Variants in PIGK observed in about 807,000 individuals in gnomAD.
PIGK encodes the protein phosphatidylinositol glycan anchor biosynthesis class K.
A neutral mutation model predicts 50.6 loss-of-function variants in PIGK; 42 were observed. That is an observed-to-expected ratio of 0.83 (90% CI 0.65 to 1.07). The LOEUF is 1.07. PIGK is among the 50% of genes least tolerant of loss of function. The pLI is 0.00. For missense variants in PIGK, 448 were observed against 488.7 expected, an observed-to-expected ratio of 0.92 and a Z score of 0.78; for synonymous variants, 151 against 156.0, an observed-to-expected ratio of 0.97 and a Z score of 0.24.
rs1653252332 is a variant in PIGK, at chr1:77,089,528, C to T, written c.*2846G>A. 5 of 152,692 alleles carry T rather than the reference C, an allele frequency of 3.3e-5. No homozygotes were observed. The highest frequency in any genetic ancestry group is 6.8e-3 in the Middle Eastern group (2 of 294). The allele number at this position is 152,692 out of a possible 1,614,324, so 9.5% of individuals were successfully genotyped here. A position where few individuals can be genotyped will look rare whatever the true frequency, so the allele number is the denominator to read the frequency against. ...TCAAAATTTCAAATTATGATTCCCACAGTAACTGTAACTCTGGTATACAAC... is the reference window on the plus strand; with the variant it reads ...TCAAAATTTCAAATTATGATTCCCATAGTAACTGTAACTCTGGTATACAAC... On this transcript the variant is annotated 3_prime_UTR_variant, in exon 11 of 11. Transcript: ENST00000370812.
At chr1:77,102,114 G>A (rs1432905273) in intron 10 of PIGK, among the ~76,000 whole-genome samples, 1 of 152,204 alleles carries the variant, frequency 6.6e-6, no homozygotes, top group African/African-American at 2.4e-5. Context: ...ACATTCAAAG[G>A]TGGCAGCAAG....
chr1:77,184,741 A>C (rs924060044), intron 3 of PIGK, among the ~76,000 whole-genome samples: 1 of 152,206 alleles, frequency 6.6e-6, no homozygotes, highest in African/African-American at 2.4e-5. Context: ...ATTGGCACAG[A>C]CATTCTTAAC....
At chr1:77,141,710 A>G (rs1436854130) in intron 9 of PIGK, among the ~76,000 whole-genome samples, 10 of 152,128 alleles carry the variant, frequency 6.6e-5, no homozygotes, top group Admixed American at 6.5e-4. Context: ...TTTATCTATA[A>G]CATCTGTAGA....
At chr1:77,128,517 T>C (rs1192201349) in intron 9 of PIGK, among the ~76,000 whole-genome samples, 8 of 152,194 alleles carry the variant, frequency 5.3e-5, no homozygotes, top group African/African-American at 1.7e-4. Context: ...TAACTTCTTG[T>C]ATGGTAAAAA....
In PIGK at chr1:77,193,905, C is replaced by G. The variant is rs899468763; in HGVS notation, c.239+12735G>C. On this transcript the variant is annotated intron_variant, in intron 3 of 10. Transcript: ENST00000370812. Reference sequence around the variant, plus strand: ...AACCATCAGCAGAGTAAACAATCTACAGACTGGGAGAAAATGTCTGCAAAC... The same window carrying G: ...AACCATCAGCAGAGTAAACAATCTAGAGACTGGGAGAAAATGTCTGCAAAC... Among the ~76,000 whole-genome samples, 24 of 152,264 alleles carry G rather than the reference C, an allele frequency of 1.6e-4. No homozygotes were observed. In the Middle Eastern group the frequency reaches 0.017, roughly 108 times the overall value.
chr1:77,198,152 C>G (rs1160019356), intron 3 of PIGK, among the ~76,000 whole-genome samples: 1 of 152,006 alleles, frequency 6.6e-6, no homozygotes, highest in Non-Finnish European at 1.5e-5. Flanking sequence ...TTTCATAAAG[C>G]ATATTGGCAT....
chr1:77,182,509 T>A (rs1447227847), intron 3 of PIGK, among the ~76,000 whole-genome samples: 3 of 112,162 alleles, frequency 2.7e-5, no homozygotes, highest in East Asian at 4.7e-4. Context: ...AGGATCAATC[T>A]ATCTATCTAT....
intron 10 of PIGK, among the ~76,000 whole-genome samples, chr1:77,116,601 T>C (rs1202685227): frequency 2.1e-3 from 286 of 134,006 alleles, no homozygotes; most frequent in African/African-American, 4.0e-3. Flanking sequence ...TGTGTGCGCG[T>C]GTGTGTGTGT....
intron 10 of PIGK, among the ~76,000 whole-genome samples, chr1:77,117,018 G>A (rs1653990349): frequency 6.6e-6 from 1 of 152,084 alleles, no homozygotes; most frequent in South Asian, 2.1e-4. Flanking sequence ...TTTTAGCATG[G>A]TCAGACACAT....
At chr1:77,105,439 C>T (rs1164938598) in intron 10 of PIGK, among the ~76,000 whole-genome samples, 1 of 151,844 alleles carries the variant, frequency 6.6e-6, no homozygotes, top group Non-Finnish European at 1.5e-5. Context: ...AGTGGGGACC[C>T]ACCCCTATCT....
intron 9 of PIGK, among the ~76,000 whole-genome samples, 189 bp from the exon 10 acceptor site, chr1:77,122,548 A>G (rs1359656280): frequency 6.6e-6 from 1 of 152,220 alleles, no homozygotes; most frequent in East Asian, 1.9e-4. Flanking sequence ...TATTCAGACT[A>G]CATTAAGTAA....
intron 10 of PIGK, among the ~76,000 whole-genome samples, chr1:77,103,356 A>G (rs1006965130): frequency 8.5e-5 from 13 of 152,260 alleles, no homozygotes; most frequent in Admixed American, 1.3e-4. Context: ...GAGAAAAATA[A>G]CCCATAGTCC....
chr1:77,162,058 T>C (rs1655140210), intron 6 of PIGK, among the ~76,000 whole-genome samples: 1 of 152,162 alleles, frequency 6.6e-6, no homozygotes, highest in African/African-American at 2.4e-5. Flanking sequence ...GAAAAAGAAG[T>C]ATGACTTAGT....
chr1:77,129,699 GAAAAATA>G (rs1225051523), intron 9 of PIGK: 5 of 1,130,716 alleles, frequency 4.4e-6, no homozygotes, highest in East Asian at 5.1e-5. Flanking sequence ...TAATTAAAAG[GAAAAATA>G]AAAAATAAAA....
intron 3 of PIGK, among the ~76,000 whole-genome samples, chr1:77,185,123 A>C (rs72992503): frequency 0.17 from 26,580 of 152,198 alleles, 2,521 homozygotes; most frequent in East Asian, 0.36. Context: ...GTATGTAGCC[A>C]CTGATTCGGC....
rs924518962 is a variant in PIGK, at chr1:77,091,853, G to A, written c.*521C>T. ...GTGAAATGAATTAAATATTCATAAA[G>A]TGAATACTATGCAGTCATTCACAAT... is the stretch of plus-strand genomic sequence containing the variant. On this transcript the variant is annotated 3_prime_UTR_variant, in exon 11 of 11. Coordinates refer to ENST00000370812, the MANE Select transcript of PIGK (RefSeq NM_005482.3). 3 of 152,252 alleles carry A rather than the reference G, an allele frequency of 2.0e-5. No homozygotes were observed. Among genetic ancestry groups the A allele is most frequent in the Non-Finnish European group, 4.4e-5 (3 of 68,100 alleles). 9.4% of individuals were successfully genotyped at this position (152,252 alleles called of 1,614,324 possible).
At chr1:77,116,571 TGTGTGTGTGTGTGTGTGTGTGTGTGCGC>T (rs1176113968) in intron 10 of PIGK, among the ~76,000 whole-genome samples, 1 of 116,562 alleles carries the variant, frequency 8.6e-6, no homozygotes, top group African/African-American at 4.3e-5. Flanking sequence ...TCTGTGTGTG[TGTGTGTGTGTGTGTGTGTGTGTGTGCGC>T]GTGTGTGTGT....
chr1:77,101,809 T>C (rs1653548726), intron 10 of PIGK, among the ~76,000 whole-genome samples: 2 of 151,970 alleles, frequency 1.3e-5, no homozygotes, highest in South Asian at 4.2e-4. Flanking sequence ...ATCAAGACCA[T>C]CCTGGCCAAC....
At chr1:77,117,303 A>T (rs1469313172) in intron 10 of PIGK, among the ~76,000 whole-genome samples, 1 of 152,220 alleles carries the variant, frequency 6.6e-6, no homozygotes, top group Non-Finnish European at 1.5e-5. Context: ...AAGAAAAATT[A>T]TCTATTGAGA....
Sources: allele counts gnomAD v4.1 joint callset (sites outside exome capture counted in the v4.1 genomes callset), GRCh38; gene constraint gnomAD v4.1.1; transcripts MANE v1.5; gene names NCBI Gene and HGNC (gene_info 2026-07-23, HGNC 2026-07-21).